Variants in VPS53 observed in about 807,000 individuals in gnomAD.
VPS53 encodes the protein vacuolar protein sorting-associated protein 53 homolog.
In VPS53, 70 loss-of-function variants were observed where a neutral mutation model predicts 107.0. The ratio of observed to expected loss-of-function variants is 0.65; its 90% CI spans 0.54 to 0.80. VPS53 has a LOEUF of 0.80. Ranked by LOEUF, VPS53 falls within the 30% of genes least tolerant of loss-of-function variation. The pLI is 0.00. For missense variants in VPS53, 917 were observed against 1,049.4 expected (o/e 0.87, Z 1.74); for synonymous variants, 409 against 393.3 (o/e 1.04, Z -0.47).
At chr17:619,223 C>T (rs1295950970) in intron 11 of VPS53, among the ~76,000 whole-genome samples, 2 of 141,266 alleles carry the variant, frequency 1.4e-5, no homozygotes, top group African/African-American at 5.3e-5. Context: ...ACTACAGGTG[C>T]CCACGACGCC....
At chr17:604,140 A>G (rs567222573) in intron 11 of VPS53, among the ~76,000 whole-genome samples, 1 of 152,374 alleles carries the variant, frequency 6.6e-6, no homozygotes, top group Admixed American at 6.5e-5. Flanking sequence ...TCACAATTAC[A>G]TAAAGATGGG....
chr17:601,990 A>G, intron 11 of VPS53, 94 bp from the exon 12 acceptor site: 1 of 874,358 alleles, frequency 1.1e-6, no homozygotes, highest in South Asian at 2.3e-5. Context: ...CCAACAAGGA[A>G]GTCATGCACG....
chr17:652,604 G>A (rs1006543255), intron 7 of VPS53, among the ~76,000 whole-genome samples: 4 of 152,174 alleles, frequency 2.6e-5, no homozygotes, highest in Admixed American at 1.3e-4. Flanking sequence ...AAGCACCAAG[G>A]AGCCAGCCAT....
intron 4 of VPS53, among the ~76,000 whole-genome samples, chr17:664,022 C>G (rs1386648308): frequency 6.6e-6 from 1 of 152,064 alleles, no homozygotes; most frequent in African/African-American, 2.4e-5. Flanking sequence ...TGAGAAAGGG[C>G]ACACAAATCG....
At chr17:530,676 T>C (rs976542398) in intron 19 of VPS53, among the ~76,000 whole-genome samples, 2 of 152,120 alleles carry the variant, frequency 1.3e-5, no homozygotes, top group African/African-American at 4.8e-5. Flanking sequence ...TTATCCTTAA[T>C]CTCAAGGGAA....
At chr17:587,981 C>CA (rs1255724009) in intron 12 of VPS53, among the ~76,000 whole-genome samples, 1 of 152,208 alleles carries the variant, frequency 6.6e-6, no homozygotes, top group Non-Finnish European at 1.5e-5. Flanking sequence ...ACCACCTCCC[C>CA]AAGCCTCCTC....
intron 11 of VPS53, among the ~76,000 whole-genome samples, chr17:602,308 G>C (rs1968365035): frequency 1.3e-5 from 2 of 152,190 alleles, no homozygotes; most frequent in South Asian, 4.1e-4. Context: ...CTCCATGATG[G>C]CAGAGATTGT....
chr17:666,713 T>C (rs1438834855), intron 4 of VPS53, among the ~76,000 whole-genome samples: 1 of 148,252 alleles, frequency 6.7e-6, no homozygotes, highest in Non-Finnish European at 1.5e-5. Context: ...AGGTCAAGAG[T>C]TTGTGACCAG....
chr17:592,745 C>A (rs575439492), intron 12 of VPS53, among the ~76,000 whole-genome samples: 1 of 152,192 alleles, frequency 6.6e-6, no homozygotes, highest in South Asian at 2.1e-4. Context: ...AGAGTTTCTG[C>A]CGAGAGATCT....
chr17:666,330 A>G (rs1466603867), intron 4 of VPS53, among the ~76,000 whole-genome samples: 1 of 152,188 alleles, frequency 6.6e-6, no homozygotes, highest in African/African-American at 2.4e-5. Context: ...GAAGTGTTTG[A>G]AGGAGAAGGA....
intron 15 of VPS53, 88 bp downstream of exon 15, chr17:560,338 G>T: frequency 2.7e-6 from 4 of 1,488,318 alleles, no homozygotes; most frequent in Non-Finnish European, 3.6e-6. Context: ...CTGTGGCCAT[G>T]TTAGGACGTA....
intron 13 of VPS53, among the ~76,000 whole-genome samples, chr17:578,724 A>G (rs1914883884): frequency 2.2e-5 from 3 of 135,114 alleles, no homozygotes; most frequent in African/African-American, 8.5e-5. Context: ...TCAGTCAATT[A>G]CCAGAGAACC....
intron 4 of VPS53, 67 bp from the exon 5 acceptor site, chr17:661,962 C>A: frequency 7.7e-7 from 1 of 1,301,998 alleles, no homozygotes; most frequent in South Asian, 1.4e-5. Flanking sequence ...TAACTGTAAT[C>A]AATGCTAGGC....
intron 17 of VPS53, among the ~76,000 whole-genome samples, chr17:542,605 C>T (rs1043233261): frequency 5.3e-5 from 8 of 151,962 alleles, no homozygotes; most frequent in African/African-American, 9.7e-5. Context: ...CACTAAATTT[C>T]GATAACTGAT....
At position 604,835 on chromosome 17, in the gene VPS53, A is replaced by G. The variant is rs190774463; in HGVS notation, c.1117-2939T>C. Among the ~76,000 whole-genome samples, 7 of 152,298 alleles carry G rather than the reference A, an allele frequency of 4.6e-5. No homozygotes were observed. The East Asian group carries it at 1.4e-3, about 29-fold the overall frequency. On this transcript the variant is annotated intron_variant, in intron 11 of 21. Transcript: ENST00000437048. ...TTCCACATGTGGACCAAGTTAGTAC[A>G]GGAAAAGTGATTCATTCCTTCCCTC...
intron 19 of VPS53, among the ~76,000 whole-genome samples, chr17:529,074 G>A (rs1399097322): frequency 6.6e-6 from 1 of 152,160 alleles, no homozygotes; most frequent in African/African-American, 2.4e-5. Context: ...TATATGGTGT[G>A]TGGCAAAGGT....
chr17:510,464 G>GGTCACCC lies in VPS53; in HGVS notation c.*8663_*8664insGGGTGAC, dbSNP rs1907873631. On this transcript the variant is annotated 3_prime_UTR_variant, in exon 22 of 22. Coordinates refer to ENST00000437048, the MANE Select transcript of VPS53 (RefSeq NM_001128159.3). ...CTTACTAGTCCCATATGAAATCCTG[G>GGTCACCC]CTGACCCCTTACTAGTCACATATTG... The GGTCACCC allele has an allele frequency of 6.4e-6, 1 of 155,226 alleles. No homozygotes were observed. 9.6% of individuals were successfully genotyped at this position (155,226 alleles called of 1,614,324 possible).
Position 666,506 on chromosome 17 carries a change from A to G in VPS53, c.286-4611T>C, listed in dbSNP as rs112731831. 9.4e-3 allele frequency among the ~76,000 whole-genome samples: 1,433 copies of G among 152,278 alleles called. 24 individuals are homozygous for G. Among genetic ancestry groups the G allele is most frequent in the African/African-American group, 0.032 (1,337 of 41,542 alleles). On this transcript the variant is annotated intron_variant, in intron 4 of 21. Coordinates refer to ENST00000437048, the MANE Select transcript of VPS53 (RefSeq NM_001128159.3). The stretch of plus-strand genomic sequence containing the variant: ...TGATGAAACCCTGTCTCTACTCAAA[A>G]TACAAAAATTAGCCGGGCGTGGTGG...
At chr17:585,020 G>A (rs11657732) in intron 13 of VPS53, among the ~76,000 whole-genome samples, 65,936 of 152,052 alleles carry the variant, frequency 0.43, 15,510 homozygotes, top group African/African-American at 0.61. Flanking sequence ...CAACGCTTCC[G>A]TCAGGAATCA....
Sources: gnomAD v4.1 joint callset for allele counts (sites outside exome capture counted in the v4.1 genomes callset) on GRCh38, gnomAD v4.1.1 for gene constraint, MANE v1.5 for transcripts, NCBI Gene and HGNC (gene_info 2026-07-23, HGNC 2026-07-21) for gene names.